FGF1: variants seen among roughly 807,000 people sequenced by gnomAD.
The protein encoded by FGF1 is beta-endothelial cell growth factor.
In FGF1, 9 loss-of-function variants were observed where a neutral mutation model predicts 13.4. That is an observed-to-expected ratio of 0.67 (90% CI 0.40 to 1.17). FGF1 has a LOEUF of 1.17. Ranked by LOEUF, FGF1 falls within the 50% of genes most tolerant of loss-of-function variation. The probability of loss-of-function intolerance (pLI) is 0.01; values close to 1 mark genes in which losing one functional copy is unlikely to be tolerated. For missense variants in FGF1, 156 were observed against 192.7 expected (o/e 0.81, Z 1.13); for synonymous variants, 93 against 79.0 (o/e 1.18, Z -0.94).
intron 1 of FGF1, among the ~76,000 whole-genome samples, chr5:142,652,684 A>G (rs1767465275): frequency 6.6e-6 from 1 of 152,216 alleles, no homozygotes; most frequent in African/African-American, 2.4e-5. Context: ...AGCCTGGCAC[A>G]CATCACAGCA....
chr5:142,631,247 T>C (rs1763329985), intron 1 of FGF1, among the ~76,000 whole-genome samples: 2 of 152,228 alleles, frequency 1.3e-5, no homozygotes, highest in African/African-American at 2.4e-5. Context: ...AATATAGAGA[T>C]AATTATTGAT....
chr5:142,642,893 A>G (rs1438737426), intron 1 of FGF1, among the ~76,000 whole-genome samples: 1 of 152,200 alleles, frequency 6.6e-6, no homozygotes, highest in Non-Finnish European at 1.5e-5. Context: ...TGTGTACACA[A>G]CATCAATGAA....
chr5:142,620,684 G>A (rs1427808402), intron 1 of FGF1, among the ~76,000 whole-genome samples: 1 of 152,138 alleles, frequency 6.6e-6, no homozygotes, highest in African/African-American at 2.4e-5. Flanking sequence ...AAATGATAGA[G>A]CAAACAGACA....
intron 1 of FGF1, among the ~76,000 whole-genome samples, chr5:142,670,146 T>C (rs1771176617): frequency 6.6e-6 from 1 of 152,180 alleles, no homozygotes; most frequent in Non-Finnish European, 1.5e-5. Context: ...TGCCAACCAT[T>C]GGCTCAGAAA....
intron 1 of FGF1, among the ~76,000 whole-genome samples, chr5:142,673,115 G>T (rs1226370168): frequency 1.3e-5 from 2 of 152,154 alleles, no homozygotes; most frequent in East Asian, 3.9e-4. Flanking sequence ...TTCTTCTGAA[G>T]AGCAGTAACA....
intron 1 of FGF1, among the ~76,000 whole-genome samples, chr5:142,615,473 C>T (rs1486949494): frequency 3.3e-5 from 5 of 152,218 alleles, no homozygotes; most frequent in Admixed American, 1.3e-4. Context: ...CCGCCTGCCT[C>T]GGCCTCCCAA....
intron 1 of FGF1, among the ~76,000 whole-genome samples, chr5:142,629,074 T>C (rs1762908880): frequency 6.6e-6 from 1 of 152,228 alleles, no homozygotes; most frequent in Admixed American, 6.5e-5. Flanking sequence ...GAGCAACTTT[T>C]CTACAGATCT....
intron 1 of FGF1, among the ~76,000 whole-genome samples, chr5:142,680,235 C>T (rs1038269808): frequency 2.0e-5 from 3 of 152,156 alleles, no homozygotes; most frequent in Non-Finnish European, 4.4e-5. Flanking sequence ...CAACTCAACC[C>T]TAACACCTAC....
chr5:142,688,249 C>T (rs1226171348), upstream of FGF1, among the ~76,000 whole-genome samples: 2 of 152,276 alleles, frequency 1.3e-5, no homozygotes, highest in South Asian at 2.1e-4. Flanking sequence ...ATATAATTCC[C>T]GCCAATGTGG....
At chr5:142,609,491 A>G (rs1410772661) in intron 2 of FGF1, among the ~76,000 whole-genome samples, 1 of 152,218 alleles carries the variant, frequency 6.6e-6, no homozygotes, top group East Asian at 1.9e-4. Context: ...TCAATCACAG[A>G]GCAGACTTGC....
chr5:142,601,190 G>T (rs186131403), intron 2 of FGF1: 6 of 483,218 alleles, frequency 1.2e-5, no homozygotes, highest in Non-Finnish European at 2.1e-5. Flanking sequence ...GCAATCTTGG[G>T]ATGCCATAGA....
chr5:142,637,081 T>A (rs1764375817), intron 1 of FGF1, among the ~76,000 whole-genome samples: 1 of 151,994 alleles, frequency 6.6e-6, no homozygotes. Flanking sequence ...CTAAATGCTG[T>A]GTCCACTGCT....
intron 1 of FGF1, among the ~76,000 whole-genome samples, chr5:142,645,545 T>C (rs1056250898): frequency 2.0e-5 from 3 of 152,176 alleles, no homozygotes; most frequent in African/African-American, 4.8e-5. Flanking sequence ...GATCCTCAAG[T>C]TCCTCATCTG....
In FGF1 at chr5:142,609,374, G is replaced by A. The variant is rs186818900; in HGVS notation, c.169+4585C>T. ...TGGCAGGCAGCTGAAGGTTTGGAAT[G>A]CTTGTGAGGAAATTATTCTCTAATT... On this transcript the variant is annotated intron_variant, in intron 2 of 3. Coordinates refer to ENST00000337706, the MANE Select transcript of FGF1 (RefSeq NM_000800.5). Among the ~76,000 whole-genome samples, 987 of 152,302 alleles carry A rather than the reference G, an allele frequency of 6.5e-3. 11 individuals are homozygous for A. Among genetic ancestry groups the A allele is most frequent in the Middle Eastern group, 0.014 (4 of 294 alleles).
Position 142,674,667 on chromosome 5 carries a change from A to G in FGF1, c.-35+11290T>C, listed in dbSNP as rs1047881287. 3.3e-5 allele frequency among the ~76,000 whole-genome samples: 5 copies of G among 152,282 alleles called. No homozygotes were observed. In the East Asian group the frequency reaches 5.8e-4, roughly 18 times the overall value. On this transcript the variant is annotated intron_variant, in intron 1 of 3. Coordinates refer to ENST00000337706, the MANE Select transcript of FGF1 (RefSeq NM_000800.5). ...AAAACACTGACTTTGGGGCTGCAAT[A>G]GTCTGACCAATGCACGACTCCCGAT...
At position 142,592,871 on chromosome 5, in the gene FGF1, T is replaced by C. The variant is rs1372593149; in HGVS notation, c.*2419A>G. The C allele has an allele frequency of 6.4e-6, 1 of 156,386 alleles. No homozygotes were observed. Among genetic ancestry groups the C allele is most frequent in the Non-Finnish European group, 1.4e-5 (1 of 71,076 alleles). 9.7% of individuals were successfully genotyped at this position (156,386 alleles called of 1,614,324 possible). On this transcript the variant is annotated 3_prime_UTR_variant, in exon 4 of 4. Coordinates refer to ENST00000337706, the MANE Select transcript of FGF1 (RefSeq NM_000800.5). ...CTTTATTCAGCAGGAACCTACAAAG[T>C]CTGTGTTTATTCTTGACTGAAAGAA...
At chr5:142,688,401 C>T (rs1372746569), upstream of FGF1, among the ~76,000 whole-genome samples, 1 of 152,028 alleles carries the variant, frequency 6.6e-6, no homozygotes, top group Admixed American at 6.6e-5. Flanking sequence ...GCTTTTCAGC[C>T]CCACTGTTAT....
At chr5:142,604,171 T>A (rs1241103221) in intron 2 of FGF1, among the ~76,000 whole-genome samples, 1 of 152,200 alleles carries the variant, frequency 6.6e-6, no homozygotes, top group African/African-American at 2.4e-5. Flanking sequence ...TATTCTAAAA[T>A]GGATTGTGGT....
chr5:142,672,507 T>G lies in FGF1; in HGVS notation c.-35+13450A>C, dbSNP rs913341180. 2.3e-3 allele frequency among the ~76,000 whole-genome samples: 347 copies of G among 149,888 alleles called. 2 individuals are homozygous for G. Among genetic ancestry groups the G allele is most frequent in the African/African-American group, 8.0e-3 (324 of 40,738 alleles). ...CAGGTCTTTTTCTGTACAGTTTTTT[T>G]TTTTTTTTTTTTTTTGAAACCAAGT... is the stretch of plus-strand genomic sequence containing the variant. On this transcript the variant is annotated intron_variant, in intron 1 of 3. Transcript: ENST00000337706.
Sources: allele counts gnomAD v4.1 joint callset (sites outside exome capture counted in the v4.1 genomes callset), GRCh38; gene constraint gnomAD v4.1.1; transcripts MANE v1.5; gene names NCBI Gene and HGNC (gene_info 2026-07-23, HGNC 2026-07-21).